Variants in SNTG1 observed in about 807,000 individuals in gnomAD.
SNTG1 encodes syntrophin gamma 1.
A neutral mutation model predicts 74.7 loss-of-function variants in SNTG1; 39 were observed. The observed-to-expected ratio is 0.52, with a 90% CI of 0.40 to 0.68. The LOEUF (loss-of-function observed/expected upper bound fraction) is 0.68. Among genes scored for constraint, SNTG1 ranks in the 30% least tolerant of loss-of-function variants. SNTG1 has a pLI of 0.00. For missense variants in SNTG1, 685 were observed against 609.5 expected, an observed-to-expected ratio of 1.12 and a Z score of -1.30; for synonymous variants, 254 against 217.1, an observed-to-expected ratio of 1.17 and a Z score of -1.49.
intron 17 of SNTG1, among the ~76,000 whole-genome samples, chr8:50,726,558 A>G (rs554893484): frequency 6.6e-6 from 1 of 152,296 alleles, no homozygotes; most frequent in African/African-American, 2.4e-5. Flanking sequence ...AAATGAGATT[A>G]GAAATTTGAG....
intron 13 of SNTG1, among the ~76,000 whole-genome samples, chr8:50,624,696 C>T (rs918992066): frequency 6.6e-6 from 1 of 152,198 alleles, no homozygotes; most frequent in Non-Finnish European, 1.5e-5. Context: ...TCCTTAACAT[C>T]ACCGTCTTTC....
chr8:50,040,367 G>A (rs746772462), intron 1 of SNTG1, among the ~76,000 whole-genome samples: 3 of 152,030 alleles, frequency 2.0e-5, no homozygotes, highest in Non-Finnish European at 4.4e-5. Flanking sequence ...AACTTATAGC[G>A]TGCTTATTTT....
At chr8:50,438,088 G>A (rs866719449) in intron 4 of SNTG1, among the ~76,000 whole-genome samples, 3 of 152,038 alleles carry the variant, frequency 2.0e-5, no homozygotes, top group South Asian at 2.1e-4. Context: ...TGCTGGCCAC[G>A]GCAGCCTCCC....
Position 50,402,352 on chromosome 8 carries a change from G to C in SNTG1, c.162+8G>C. The stretch of plus-strand genomic sequence containing the variant: ...GAGCCTTTCTATTCTGGTGTAAGTA[G>C]CTTTTTCTTCTGTTGAAATTTTTTG... On this transcript the variant is annotated splice_region_variant and intron_variant, in intron 4 of 18. Coordinates refer to ENST00000642720, the MANE Select transcript of SNTG1 (RefSeq NM_018967.5). The C allele has an allele frequency of 6.4e-7, 1 of 1,569,960 alleles. No individual in the cohort carries two copies. Among genetic ancestry groups the C allele is most frequent in the Non-Finnish European group, 8.6e-7 (1 of 1,165,718 alleles).
intron 2 of SNTG1, among the ~76,000 whole-genome samples, chr8:50,286,003 C>T (rs953251506): frequency 4.0e-5 from 6 of 151,630 alleles, no homozygotes; most frequent in African/African-American, 1.5e-4. Flanking sequence ...TTGTTTTTAC[C>T]TCACACTTGA....
intron 2 of SNTG1, among the ~76,000 whole-genome samples, chr8:50,384,404 C>A (rs1056643465): frequency 5.3e-5 from 8 of 152,186 alleles, no homozygotes; most frequent in African/African-American, 1.9e-4. Flanking sequence ...GCAATTTTAG[C>A]AAGAACGCTG....
At chr8:50,538,908 T>C (rs983119288) in intron 11 of SNTG1, among the ~76,000 whole-genome samples, 4 of 152,192 alleles carry the variant, frequency 2.6e-5, no homozygotes, top group Non-Finnish European at 5.9e-5. Flanking sequence ...GAAAAGTTTA[T>C]TGATCTGTAT....
rs775691106 is a variant in SNTG1 at position 50,484,102 on chromosome 8, CTCTTTCTT to C, written c.364-18649_364-18642del. On this transcript the variant is annotated intron_variant, in intron 8 of 18. Transcript: ENST00000642720. Reference sequence around the variant, plus strand: ...TCTTTTTCTTTCTCTCTTTCTTTCTCTCTTTCTTTCTTTCTTTCTTTCTTTCTTTCTTT... The same window carrying C: ...TCTTTTTCTTTCTCTCTTTCTTTCTCTCTTTCTTTCTTTCTTTCTTTCTTT... Among the ~76,000 whole-genome samples, 583 of 110,804 alleles carry C rather than the reference CTCTTTCTT, an allele frequency of 5.3e-3. 18 individuals are homozygous for C. Among genetic ancestry groups the C allele is most frequent in the African/African-American group, 0.02 (537 of 27,466 alleles). The allele number at this position is 110,804 out of a possible 152,430, so 72.7% of individuals were successfully genotyped here.
At chr8:50,276,673 C>G (rs1270276405) in intron 2 of SNTG1, among the ~76,000 whole-genome samples, 2 of 151,982 alleles carry the variant, frequency 1.3e-5, no homozygotes, top group African/African-American at 4.8e-5. Context: ...TCATCTGCCT[C>G]TCTACCTGAA....
At chr8:49,959,461 T>A (rs1390706254) in intron 1 of SNTG1, among the ~76,000 whole-genome samples, 1 of 151,000 alleles carries the variant, frequency 6.6e-6, no homozygotes, top group African/African-American at 2.4e-5. Flanking sequence ...CTGCCCCATC[T>A]CAGCTCTACA....
intron 2 of SNTG1, among the ~76,000 whole-genome samples, chr8:50,250,992 C>G (rs1214519680): frequency 7.1e-5 from 2 of 28,164 alleles, no homozygotes; most frequent in East Asian, 0.05. Context: ...GGTTTAAAGT[C>G]AAAAAGGTAA....
chr8:50,142,619 G>T (rs535527661), intron 1 of SNTG1, among the ~76,000 whole-genome samples: 1 of 152,008 alleles, frequency 6.6e-6, no homozygotes, highest in Admixed American at 6.6e-5. Flanking sequence ...GAAGAGATAA[G>T]GTTTTGTTAA....
intron 1 of SNTG1, among the ~76,000 whole-genome samples, chr8:49,949,438 ACT>A (rs1022571849): frequency 6.6e-6 from 1 of 151,868 alleles, no homozygotes; most frequent in Non-Finnish European, 1.5e-5. Context: ...TCTTGAGACC[ACT>A]CTCTTTTTTT....
chr8:50,261,033 G>A (rs2087166787), intron 2 of SNTG1, among the ~76,000 whole-genome samples: 1 of 152,108 alleles, frequency 6.6e-6, no homozygotes, highest in Non-Finnish European at 1.5e-5. Context: ...TCACAGAGCA[G>A]ACTACATACC....
chr8:50,253,494 A>G (rs1376075688), intron 2 of SNTG1, among the ~76,000 whole-genome samples: 1 of 152,146 alleles, frequency 6.6e-6, no homozygotes, highest in Non-Finnish European at 1.5e-5. Context: ...AATCCAAGGG[A>G]AATGAAATTG....
chr8:50,072,237 A>C (rs552920711), intron 1 of SNTG1, among the ~76,000 whole-genome samples: 42 of 152,348 alleles, frequency 2.8e-4, no homozygotes, highest in Admixed American at 2.0e-4. Context: ...TAGAGGAAAA[A>C]TAGTAACTGC....
At chr8:49,966,262 A>C (rs1221248005) in intron 1 of SNTG1, among the ~76,000 whole-genome samples, 1 of 152,172 alleles carries the variant, frequency 6.6e-6, no homozygotes, top group Non-Finnish European at 1.5e-5. Flanking sequence ...TATAGTTATT[A>C]GTCCATAAAA....
intron 2 of SNTG1, among the ~76,000 whole-genome samples, chr8:50,173,500 A>G (rs1184281455): frequency 1.3e-5 from 2 of 152,206 alleles, no homozygotes; most frequent in Non-Finnish European, 2.9e-5. Context: ...TATGTACTCA[A>G]TTATACTTAA....
intron 1 of SNTG1, among the ~76,000 whole-genome samples, chr8:49,939,370 A>C (rs1167856032): frequency 6.6e-6 from 1 of 152,222 alleles, no homozygotes; most frequent in East Asian, 1.9e-4. Flanking sequence ...TTGCCAATAA[A>C]TAGTTTAATT....
Sources: allele counts gnomAD v4.1 joint callset (sites outside exome capture counted in the v4.1 genomes callset), GRCh38; gene constraint gnomAD v4.1.1; transcripts MANE v1.5; gene names NCBI Gene and HGNC (gene_info 2026-07-23, HGNC 2026-07-21).